RIN2: variants seen among roughly 807,000 people sequenced by gnomAD.
RIN2 encodes Ras and Rab interactor 2.
A neutral mutation model predicts 78.0 loss-of-function variants in RIN2; 36 were observed. The observed-to-expected ratio is 0.46, with a 90% CI of 0.35 to 0.61. The LOEUF is 0.61. Among genes scored for constraint, RIN2 ranks in the 20% least tolerant of loss-of-function variants. The pLI is 0.00. For synonymous variants in RIN2, 466 were observed against 466.8 expected (o/e 1.00, Z 0.02); for missense variants, 1,087 against 1,159.7 (o/e 0.94, Z 0.91).
chr20:19,823,973 G>A (rs1351828401), intron 2 of RIN2: 34 of 1,355,360 alleles, frequency 2.5e-5, no homozygotes, highest in Non-Finnish European at 3.3e-5. Context: ...GGATGAACCC[G>A]GATTCAGGAC....
chr20:19,891,026 AT>A (rs2038435796), intron 3 of RIN2, among the ~76,000 whole-genome samples: 1 of 152,224 alleles, frequency 6.6e-6, no homozygotes, highest in Non-Finnish European at 1.5e-5. Flanking sequence ...GCCAGGACAA[AT>A]TAGTGTGTAG....
chr20:19,860,842 C>T (rs1012862366), intron 2 of RIN2, among the ~76,000 whole-genome samples: 3 of 152,152 alleles, frequency 2.0e-5, no homozygotes, highest in African/African-American at 7.2e-5. Flanking sequence ...TTCACCTTTA[C>T]ATCCCCATAG....
At chr20:19,810,582 C>T (rs1461747101) in intron 2 of RIN2, among the ~76,000 whole-genome samples, 2 of 151,996 alleles carry the variant, frequency 1.3e-5, no homozygotes, top group African/African-American at 4.8e-5. Context: ...GGTGCTGCTC[C>T]CTTTAAAGCA....
At chr20:19,832,962 T>C (rs1253272340) in intron 2 of RIN2, among the ~76,000 whole-genome samples, 3 of 152,060 alleles carry the variant, frequency 2.0e-5, no homozygotes, top group Admixed American at 2.0e-4. Context: ...GCACAGACAT[T>C]CAAACCACAG....
chr20:19,781,975 G>A (rs1420065518), intron 1 of RIN2, among the ~76,000 whole-genome samples: 1 of 152,118 alleles, frequency 6.6e-6, no homozygotes, highest in Non-Finnish European at 1.5e-5. Flanking sequence ...CTAAGGTAGT[G>A]TAATTTGGCT....
chr20:19,857,634 T>C (rs1254254606), intron 2 of RIN2, among the ~76,000 whole-genome samples: 2 of 152,134 alleles, frequency 1.3e-5, no homozygotes, highest in African/African-American at 4.8e-5. Context: ...GTATGATCAG[T>C]CTTTTAAATT....
At chr20:19,886,612 CTTT>C (rs11362637) in intron 2 of RIN2, 12,368 of 510,432 alleles carry the variant, frequency 0.024, no homozygotes, top group Non-Finnish European at 0.028. Flanking sequence ...TCTTCTTCTT[CTTT>C]TTTTTTTTTT....
intron 1 of RIN2, among the ~76,000 whole-genome samples, chr20:19,780,341 C>A (rs1164429235): frequency 6.6e-6 from 1 of 152,220 alleles, no homozygotes; most frequent in East Asian, 1.9e-4. Context: ...TTTGAAGAAG[C>A]AGTGCCTCTT....
At chr20:19,968,183 G>A (rs1318215920) in intron 7 of RIN2, among the ~76,000 whole-genome samples, 2 of 152,156 alleles carry the variant, frequency 1.3e-5, no homozygotes, top group Admixed American at 1.3e-4. Flanking sequence ...GGGCATCACG[G>A]CTTCCTCCCA....
chr20:19,945,650 T>C (rs1272069843), intron 4 of RIN2, among the ~76,000 whole-genome samples: 1 of 152,166 alleles, frequency 6.6e-6, no homozygotes, highest in Non-Finnish European at 1.5e-5. Context: ...ACACTAAAGC[T>C]CATCACTGAC....
chr20:19,960,623 G>C, intron 5 of RIN2, 77 bp from the exon 6 acceptor site: 1 of 1,059,134 alleles, frequency 9.4e-7, no homozygotes, highest in South Asian at 1.4e-5. Context: ...TATTCATTGA[G>C]TGTGAGGGAA....
chr20:19,923,644 C>T (rs1044069075), intron 3 of RIN2, among the ~76,000 whole-genome samples: 14 of 151,866 alleles, frequency 9.2e-5, no homozygotes, highest in Admixed American at 6.6e-4. Flanking sequence ...TTAAATTATC[C>T]ATTGTGTTTA....
At chr20:19,919,334 C>A (rs1459032259) in intron 3 of RIN2, among the ~76,000 whole-genome samples, 2 of 152,222 alleles carry the variant, frequency 1.3e-5, no homozygotes, top group Non-Finnish European at 2.9e-5. Flanking sequence ...GACCTATACA[C>A]CTGCAGGCCC....
intron 3 of RIN2, among the ~76,000 whole-genome samples, chr20:19,898,369 T>A (rs2038832330): frequency 6.6e-6 from 1 of 152,192 alleles, no homozygotes; most frequent in African/African-American, 2.4e-5. Flanking sequence ...ATTAGAAGGA[T>A]ACCAAGAAGG....
At chr20:19,772,528 G>A (rs927089327) in intron 1 of RIN2, among the ~76,000 whole-genome samples, 1 of 152,144 alleles carries the variant, frequency 6.6e-6, no homozygotes, top group Non-Finnish European at 1.5e-5. Context: ...TGGGTGCCAC[G>A]AAGCCAGCCC....
chr20:19,855,712 A>G (rs914203892), intron 2 of RIN2, among the ~76,000 whole-genome samples: 2 of 152,168 alleles, frequency 1.3e-5, no homozygotes, highest in Non-Finnish European at 2.9e-5. Flanking sequence ...TGTAAAATCA[A>G]GAAAACACCA....
chr20:19,988,225 T>G (rs979084680), intron 9 of RIN2, among the ~76,000 whole-genome samples: 1 of 152,164 alleles, frequency 6.6e-6, no homozygotes, highest in African/African-American at 2.4e-5. Context: ...TTCAAGAGAT[T>G]CTCATGCCCC....
intron 3 of RIN2, among the ~76,000 whole-genome samples, 198 bp from the exon 4 acceptor site, chr20:19,934,901 A>G (rs1600856639): frequency 6.6e-6 from 1 of 151,618 alleles, no homozygotes; most frequent in African/African-American, 2.4e-5. Context: ...TCCCCTTTCT[A>G]AGGAGAAGCT....
chr20:19,795,565 C>G (rs2122661876), intron 1 of RIN2, among the ~76,000 whole-genome samples: 1 of 152,184 alleles, frequency 6.6e-6, no homozygotes, highest in East Asian at 1.9e-4. Context: ...TGTCAGAGAT[C>G]TAAAACAATA....
Sources: gnomAD v4.1 joint callset for allele counts (sites outside exome capture counted in the v4.1 genomes callset) on GRCh38, gnomAD v4.1.1 for gene constraint, MANE v1.5 for transcripts, NCBI Gene and HGNC (gene_info 2026-07-23, HGNC 2026-07-21) for gene names.